PTPRK: variants seen among roughly 807,000 people sequenced by gnomAD.
The protein encoded by PTPRK is protein tyrosine phosphatase receptor type K.
A neutral mutation model predicts 178.0 loss-of-function variants in PTPRK; 75 were observed. The observed-to-expected ratio is 0.42, with a 90% CI of 0.35 to 0.51. PTPRK has a LOEUF of 0.51. Among genes scored for constraint, PTPRK ranks in the 20% least tolerant of loss-of-function variants. The probability of loss-of-function intolerance (pLI) is 0.02; values close to 1 mark genes in which losing one functional copy is unlikely to be tolerated. For missense variants in PTPRK, 1,441 were observed against 1,797.8 expected (o/e 0.80, Z 3.59); for synonymous variants, 637 against 620.6 (o/e 1.03, Z -0.39).
At chr6:128,310,150 G>A (rs1401997797) in intron 3 of PTPRK, among the ~76,000 whole-genome samples, 1 of 152,184 alleles carries the variant, frequency 6.6e-6, no homozygotes, top group Non-Finnish European at 1.5e-5. Context: ...AACAGGGGAA[G>A]TAGATTGTGC....
chr6:128,424,451 G>A (rs930713220), intron 1 of PTPRK, among the ~76,000 whole-genome samples: 7 of 152,110 alleles, frequency 4.6e-5, no homozygotes, highest in Non-Finnish European at 7.4e-5. Context: ...ATTCTCAGTC[G>A]TATAAAATCA....
chr6:128,147,722 T>A lies in PTPRK; in HGVS notation c.1162+36710A>T, dbSNP rs141743018. 8.9e-4 allele frequency among the ~76,000 whole-genome samples: 135 copies of A among 152,212 alleles called. 1 individual carries two copies. The highest frequency in any genetic ancestry group is 2.9e-3 in the African/African-American group (121 of 41,552). Reference sequence around the variant, plus strand: ...ATATGAGGATACCCTGGCTCAACAATAGATCATACGAAAACAACACAGGAT... The same window carrying A: ...ATATGAGGATACCCTGGCTCAACAAAAGATCATACGAAAACAACACAGGAT... On this transcript the variant is annotated intron_variant, in intron 7 of 29. Transcript: ENST00000368226.
chr6:128,512,068 G>A (rs1857272678), intron 1 of PTPRK, among the ~76,000 whole-genome samples: 1 of 152,128 alleles, frequency 6.6e-6, no homozygotes, highest in African/African-American at 2.4e-5. Context: ...ACAAGTTCCA[G>A]AATTTGGAGT....
At chr6:128,303,248 T>C (rs1338731850) in intron 3 of PTPRK, among the ~76,000 whole-genome samples, 1 of 152,216 alleles carries the variant, frequency 6.6e-6, no homozygotes, top group Non-Finnish European at 1.5e-5. Context: ...GTTCTGCCTA[T>C]TGTCTCCCCA....
chr6:128,226,862 G>C (rs138630344), intron 5 of PTPRK, among the ~76,000 whole-genome samples: 147 of 149,936 alleles, frequency 9.8e-4, no homozygotes, highest in Middle Eastern at 3.5e-3. Context: ...CAGAGGGACA[G>C]AGATGATTTT....
intron 1 of PTPRK, among the ~76,000 whole-genome samples, chr6:128,446,179 A>G (rs996270621): frequency 6.6e-6 from 1 of 152,250 alleles, no homozygotes; most frequent in Non-Finnish European, 1.5e-5. Flanking sequence ...GAGAAAGGGT[A>G]AAACCTCTTT....
At chr6:128,044,676 T>C (rs1777757426) in intron 13 of PTPRK, among the ~76,000 whole-genome samples, 1 of 151,878 alleles carries the variant, frequency 6.6e-6, no homozygotes, top group Non-Finnish European at 1.5e-5. Flanking sequence ...AAGTCTCAGC[T>C]GAAACATCAA....
At chr6:128,389,261 A>G (rs1839200679) in intron 2 of PTPRK, among the ~76,000 whole-genome samples, 2 of 152,058 alleles carry the variant, frequency 1.3e-5, no homozygotes, top group South Asian at 4.1e-4. Context: ...AAGATTTTAA[A>G]GCATCTTTTA....
chr6:128,502,923 G>A (rs192280012), intron 1 of PTPRK, among the ~76,000 whole-genome samples: 2 of 152,142 alleles, frequency 1.3e-5, no homozygotes, highest in Admixed American at 1.3e-4. Context: ...ATGGAAACTG[G>A]CAAGTGCTAA....
At chr6:128,139,352 A>C (rs1289550257) in intron 7 of PTPRK, among the ~76,000 whole-genome samples, 3 of 152,072 alleles carry the variant, frequency 2.0e-5, no homozygotes, top group African/African-American at 4.8e-5. Flanking sequence ...GATAGGTAAA[A>C]GCTATCTCAG....
At chr6:128,290,740 T>C (rs115999804) in intron 3 of PTPRK, among the ~76,000 whole-genome samples, 86 of 152,174 alleles carry the variant, frequency 5.7e-4, no homozygotes, top group African/African-American at 2.0e-3. Context: ...TGAATGAAAC[T>C]CTTAATCATT....
Position 128,082,499 on chromosome 6 carries a change from C to T in PTPRK, c.1715G>A (p.Arg572Lys), listed in dbSNP as rs866373642. Residue 572 changes from arginine to lysine, a missense_variant, in exon 10 of 30, where the codon AGA (arginine) becomes AAA (lysine). By Grantham distance (26) the Arg-to-Lys change is conservative. This residue lies in a region of PTPRK where 945 missense variants were observed against 1,080.6 expected (regional missense o/e 0.87). Transcript: ENST00000368226. ...ACCAAAGCCTTTGACCGTGCTGGCT[C>T]TTATGAAAAACTGGTACGTGGTTCC... ...HPGTTYQFFI[R>K]ASTVKGFGPA... 3 of 1,613,490 alleles carry T rather than the reference C, an allele frequency of 1.9e-6. No homozygotes were observed. Among genetic ancestry groups the T allele is most frequent in the African/African-American group, 2.7e-5 (2 of 74,940 alleles).
At chr6:128,000,173 CT>C (rs36043888) in intron 15 of PTPRK, 66 of 911,476 alleles carry the variant, frequency 7.2e-5, no homozygotes, top group South Asian at 3.9e-4. Context: ...CTTAGGGGAA[CT>C]TTTTTTTTAA....
chr6:128,048,957 A>G (rs1399521735), intron 13 of PTPRK, among the ~76,000 whole-genome samples: 1 of 152,202 alleles, frequency 6.6e-6, no homozygotes, highest in Non-Finnish European at 1.5e-5. Flanking sequence ...CCCAGGGCCT[A>G]CAACACTGTC....
At chr6:128,062,777 T>G (rs1339761025) in intron 13 of PTPRK, 2 of 152,702 alleles carry the variant, frequency 1.3e-5, no homozygotes, top group African/African-American at 2.4e-5. Context: ...CTTCTGGGCT[T>G]AAGCGATGCT....
At chr6:128,427,199 C>G (rs1437045244) in intron 1 of PTPRK, among the ~76,000 whole-genome samples, 1 of 152,202 alleles carries the variant, frequency 6.6e-6, no homozygotes, top group African/African-American at 2.4e-5. Context: ...CATTCTCTCT[C>G]TTAACCCTCA....
intron 6 of PTPRK, among the ~76,000 whole-genome samples, chr6:128,215,130 T>TAA (rs113773476): frequency 0.053 from 7,998 of 152,174 alleles, 512 homozygotes; most frequent in African/African-American, 0.15. Flanking sequence ...GTTTCACAGG[T>TAA]AAAAATGATA....
intron 5 of PTPRK, among the ~76,000 whole-genome samples, chr6:128,231,457 A>T: frequency 6.6e-6 from 1 of 152,192 alleles, no homozygotes; most frequent in Non-Finnish European, 1.5e-5. Flanking sequence ...GTGACAAGAA[A>T]CTAGGAAAGC....
chr6:128,062,881 G>T (rs927111439), intron 13 of PTPRK: 2 of 151,766 alleles, frequency 1.3e-5, no homozygotes, highest in Admixed American at 6.6e-5. Context: ...GTAGAAACAG[G>T]GTCTTGCTAT....
Sources: allele counts gnomAD v4.1 joint callset (sites outside exome capture counted in the v4.1 genomes callset), GRCh38; gene constraint gnomAD v4.1.1; regional missense constraint gnomAD v4.1.1; transcripts MANE v1.5; gene names NCBI Gene and HGNC (gene_info 2026-07-23, HGNC 2026-07-21).